Variants in TMEM135 observed in about 807,000 individuals in gnomAD.
TMEM135 encodes peroxisomal membrane protein 52.
A neutral mutation model predicts 60.3 loss-of-function variants in TMEM135; 30 were observed. The ratio of observed to expected loss-of-function variants is 0.50; its 90% CI spans 0.37 to 0.68. TMEM135 has a LOEUF of 0.68. Among genes scored for constraint, TMEM135 ranks in the 30% least tolerant of loss-of-function variants. The probability of loss-of-function intolerance (pLI) is 0.00; values close to 1 mark genes in which losing one functional copy is unlikely to be tolerated. For missense variants in TMEM135, 468 were observed against 548.8 expected (o/e 0.85, Z 1.47); for synonymous variants, 190 against 186.7 (o/e 1.02, Z -0.14).
chr11:87,282,617 T>G (rs1341702820), intron 6 of TMEM135, among the ~76,000 whole-genome samples: 5 of 152,222 alleles, frequency 3.3e-5, no homozygotes, highest in Admixed American at 3.3e-4. Flanking sequence ...GTAAAGTCTT[T>G]GCATAAAACC....
At chr11:87,066,409 A>G (rs1410529268) in intron 1 of TMEM135, among the ~76,000 whole-genome samples, 1 of 152,144 alleles carries the variant, frequency 6.6e-6, no homozygotes, top group African/African-American at 2.4e-5. Context: ...TTATATTACT[A>G]ACACTTAATC....
At position 87,321,534 on chromosome 11, in the gene TMEM135, A is replaced by G; in HGVS notation, c.*201A>G. ...TGCTTAATAATTAAGCTTCCTCCAT[A>G]GCCAGAATAAGATTCTGGATCACTG... is the stretch of plus-strand genomic sequence containing the variant. On this transcript the variant is annotated 3_prime_UTR_variant, in exon 15 of 15. Transcript: ENST00000305494. 1.5e-6 allele frequency: 1 copy of G among 689,358 alleles called. No individual in the cohort carries two copies. Among genetic ancestry groups the G allele is most frequent in the Non-Finnish European group, 2.6e-6 (1 of 380,394 alleles). 42.7% of individuals were successfully genotyped at this position (689,358 alleles called of 1,614,324 possible).
intron 4 of TMEM135, among the ~76,000 whole-genome samples, chr11:87,156,922 T>C (rs182942123): frequency 6.6e-6 from 1 of 152,312 alleles, no homozygotes; most frequent in East Asian, 1.9e-4. Context: ...TACCAGATTA[T>C]CAAAATAACC....
intron 5 of TMEM135, among the ~76,000 whole-genome samples, chr11:87,211,369 G>T (rs1164192705): frequency 6.6e-6 from 1 of 152,176 alleles, no homozygotes; most frequent in Non-Finnish European, 1.5e-5. Context: ...TTGTGAACTT[G>T]TATATCCTTG....
At chr11:87,160,763 A>G (rs1938848699) in intron 5 of TMEM135, among the ~76,000 whole-genome samples, 1 of 152,238 alleles carries the variant, frequency 6.6e-6, no homozygotes, top group African/African-American at 2.4e-5. Flanking sequence ...TGAATAGGAA[A>G]AAAATACCCT....
chr11:87,088,737 G>C (rs978154947), intron 3 of TMEM135, among the ~76,000 whole-genome samples: 1 of 152,122 alleles, frequency 6.6e-6, no homozygotes, highest in Non-Finnish European at 1.5e-5. Context: ...CTGCATTTAA[G>C]AGCACCTGTC....
intron 8 of TMEM135, among the ~76,000 whole-genome samples, chr11:87,305,231 A>C (rs1420852037): frequency 6.6e-6 from 1 of 152,144 alleles, no homozygotes; most frequent in Non-Finnish European, 1.5e-5. Context: ...ATTTATTACC[A>C]ATATACTCTA....
At chr11:87,122,328 T>TG (rs1491303116) in intron 4 of TMEM135, among the ~76,000 whole-genome samples, 1 of 121,506 alleles carries the variant, frequency 8.2e-6, no homozygotes, top group African/African-American at 3.2e-5. Context: ...TTTTTTTTTT[T>TG]GTCAAATCCT....
chr11:87,046,124 G>C (rs556374675), intron 1 of TMEM135, among the ~76,000 whole-genome samples: 1 of 152,320 alleles, frequency 6.6e-6, no homozygotes, highest in East Asian at 1.9e-4. Flanking sequence ...GTGTAACTCA[G>C]GCCGGGCATG....
intron 11 of TMEM135, 37 bp from the exon 12 acceptor site, chr11:87,314,434 T>G: frequency 6.6e-7 from 1 of 1,520,202 alleles, no homozygotes; most frequent in African/African-American, 1.4e-5. Context: ...ATAAATACTC[T>G]GCGATCTTAT....
intron 5 of TMEM135, among the ~76,000 whole-genome samples, chr11:87,183,425 G>C (rs1298772434): frequency 2.6e-5 from 4 of 151,662 alleles, no homozygotes; most frequent in Non-Finnish European, 5.9e-5. Context: ...ACAGGTGTGA[G>C]CCACCACACC....
At chr11:87,242,579 G>A (rs1232269674) in intron 6 of TMEM135, among the ~76,000 whole-genome samples, 1 of 110,110 alleles carries the variant, frequency 9.1e-6, no homozygotes, top group Admixed American at 8.6e-5. Flanking sequence ...TTGTGGTTTT[G>A]ATTTGCATTT....
chr11:87,124,473 G>A (rs1178365365), intron 4 of TMEM135, among the ~76,000 whole-genome samples: 3 of 152,138 alleles, frequency 2.0e-5, no homozygotes, highest in Admixed American at 6.5e-5. Flanking sequence ...AGGCCGCAGG[G>A]GAAGGGGGCA....
At chr11:87,158,620 C>A (rs1354627583) in intron 5 of TMEM135, among the ~76,000 whole-genome samples, 2 of 137,616 alleles carry the variant, frequency 1.5e-5, no homozygotes, top group African/African-American at 5.4e-5. Flanking sequence ...CGCCACAACG[C>A]CCGGCTAATT....
rs779550129 is a variant in TMEM135, at chr11:87,325,838, G to A, written c.*4505G>A. 12 of 453,676 alleles carry A rather than the reference G, an allele frequency of 2.6e-5. No individual in the cohort carries two copies. The highest frequency in any genetic ancestry group is 6.8e-4 in the Middle Eastern group (1 of 1,466). The allele number at this position is 453,676 out of a possible 1,614,324, so 28.1% of individuals were successfully genotyped here. Reference sequence around the variant, plus strand: ...TAATTTCTTCTCTTCTTAAAACCCCGTAACATCACTTGACTCTGGAATTTC... The same window carrying A: ...TAATTTCTTCTCTTCTTAAAACCCCATAACATCACTTGACTCTGGAATTTC... On this transcript the variant is annotated 3_prime_UTR_variant, in exon 15 of 15. Coordinates refer to ENST00000305494, the MANE Select transcript of TMEM135 (RefSeq NM_022918.4).
intron 1 of TMEM135, among the ~76,000 whole-genome samples, chr11:87,052,878 G>A (rs1212349892): frequency 1.6e-4 from 14 of 86,862 alleles, no homozygotes; most frequent in South Asian, 6.0e-4. Context: ...TGTTTATTGC[G>A]GCATTATTCA....
At chr11:87,143,165 C>T (rs946476299) in intron 4 of TMEM135, among the ~76,000 whole-genome samples, 1 of 151,908 alleles carries the variant, frequency 6.6e-6, no homozygotes, top group African/African-American at 2.4e-5. Context: ...CCATTTAGTT[C>T]TTTGTTATAC....
intron 6 of TMEM135, among the ~76,000 whole-genome samples, chr11:87,237,564 T>C (rs935904395): frequency 6.6e-6 from 1 of 151,958 alleles, no homozygotes; most frequent in African/African-American, 2.4e-5. Context: ...ACCAGAATTT[T>C]TAAAAAAATT....
chr11:87,067,594 A>T, intron 1 of TMEM135, 100 bp from the exon 2 acceptor site: 1 of 1,503,132 alleles, frequency 6.7e-7, no homozygotes, highest in Non-Finnish European at 9.1e-7. Context: ...TTTTTACTTT[A>T]ACTTATAAAT....
Sources: gnomAD v4.1 joint callset for allele counts (sites outside exome capture counted in the v4.1 genomes callset) on GRCh38, gnomAD v4.1.1 for gene constraint, MANE v1.5 for transcripts, NCBI Gene and HGNC (gene_info 2026-07-23, HGNC 2026-07-21) for gene names.